Variants in RPGRIP1L observed in about 807,000 individuals in gnomAD.
The protein encoded by RPGRIP1L is RPGRIP1 like.
Under a neutral mutation model 160.4 loss-of-function variants are expected in RPGRIP1L, and 131 were observed. The observed-to-expected ratio is 0.82, with a 90% CI of 0.71 to 0.94. The LOEUF (loss-of-function observed/expected upper bound fraction) is 0.94, where lower values mean the gene tolerates loss of function less well. Among genes scored for constraint, RPGRIP1L ranks in the 40% least tolerant of loss-of-function variants. The probability of loss-of-function intolerance (pLI) is 0.00; values close to 1 mark genes in which losing one functional copy is unlikely to be tolerated. For missense variants in RPGRIP1L, 1,522 were observed against 1,535.8 expected, an observed-to-expected ratio of 0.99 and a Z score of 0.15; for synonymous variants, 510 against 515.8, an observed-to-expected ratio of 0.99 and a Z score of 0.15.
chr16:53,620,416 A>T (rs1161042746), intron 23 of RPGRIP1L, among the ~76,000 whole-genome samples: 1 of 152,178 alleles, frequency 6.6e-6, no homozygotes, highest in Non-Finnish European at 1.5e-5. Context: ...TATTTCAATA[A>T]GGTTATTTTA....
chr16:53,658,619 C>G (rs1487456080), intron 11 of RPGRIP1L, among the ~76,000 whole-genome samples, 153 bp downstream of exon 11: 1 of 152,120 alleles, frequency 6.6e-6, no homozygotes, highest in Non-Finnish European at 1.5e-5. Flanking sequence ...CAAAATGTCC[C>G]TATGGAACAT....
intron 22 of RPGRIP1L, among the ~76,000 whole-genome samples, chr16:53,624,750 TCCCTCCCCCTCC>T (rs111853130): frequency 2.4e-4 from 35 of 147,358 alleles, no homozygotes; most frequent in Non-Finnish European, 3.5e-4. Context: ...AAAATGGGAG[TCCCTCCCCCTCC>T]CCCTCCCCCT....
At chr16:53,671,659 A>G in intron 8 of RPGRIP1L, 76 bp from the exon 9 acceptor site, 1 of 737,068 alleles carries the variant, frequency 1.4e-6, no homozygotes. Context: ...ACATTAAAAA[A>G]CTCTATATGA....
intron 2 of RPGRIP1L, among the ~76,000 whole-genome samples, chr16:53,697,805 GTC>G (rs1171413332): frequency 1.3e-5 from 2 of 151,570 alleles, no homozygotes; most frequent in Non-Finnish European, 2.9e-5. Flanking sequence ...AGTGAGGAGC[GTC>G]TCTGCCTGGC....
intron 16 of RPGRIP1L, among the ~76,000 whole-genome samples, chr16:53,647,078 C>T (rs1271272012): frequency 7.9e-5 from 12 of 152,164 alleles, no homozygotes; most frequent in Non-Finnish European, 1.8e-4. Flanking sequence ...GTCTAAAAAG[C>T]TTTAAACTAC....
intron 15 of RPGRIP1L, 70 bp downstream of exon 15, chr16:53,652,465 G>C: frequency 8.5e-7 from 1 of 1,178,102 alleles, no homozygotes; most frequent in Non-Finnish European, 1.3e-6. Context: ...AGATAGTAAT[G>C]TAGAGTACCA....
Position 53,652,799 on chromosome 16 carries a change from C to T in RPGRIP1L, c.1888G>A (p.Val630Ile), listed in dbSNP as rs369873356. The change falls in exon 15 of 27, where the codon GTC (valine) becomes ATC (isoleucine). Residue 630 changes from valine to isoleucine, a missense_variant. Val to Ile is a conservative substitution (Grantham distance 29, BLOSUM62 3). Transcript: ENST00000647211. The stretch of plus-strand genomic sequence containing the variant: ...TAGAAAGCATAGGTACAGAAAGTGA[C>T]AGGCTCTTTATCTCCAGATGCCTGT... ...VLQASGDKEP[V>I]TFCTYAFYDF... 1.2e-6 allele frequency: 2 copies of T among 1,613,970 alleles called. No individual in the cohort carries two copies. The highest frequency in any genetic ancestry group is 1.7e-6 in the Non-Finnish European group (2 of 1,179,994).
chr16:53,638,059 GAATA>G (rs368259444), intron 20 of RPGRIP1L, among the ~76,000 whole-genome samples: 38 of 152,028 alleles, frequency 2.5e-4, no homozygotes, highest in African/African-American at 8.4e-4. Flanking sequence ...TATGTACTAA[GAATA>G]AAAAATGTAT....
At chr16:53,623,411 CTT>C (rs931415975) in intron 22 of RPGRIP1L, among the ~76,000 whole-genome samples, 8 of 152,190 alleles carry the variant, frequency 5.3e-5, no homozygotes, top group Non-Finnish European at 1.2e-4. Context: ...TCTCTAATCT[CTT>C]GTCTGCAGTC....
At chr16:53,686,672 G>A in intron 5 of RPGRIP1L, 96 bp from the exon 6 acceptor site, 1 of 1,308,896 alleles carries the variant, frequency 7.6e-7, no homozygotes, top group Non-Finnish European at 1.1e-6. Context: ...AAAAGAGCAA[G>A]CAGAAGTTAA....
chr16:53,606,426 G>T (rs1010823631), intron 25 of RPGRIP1L, among the ~76,000 whole-genome samples: 1 of 152,028 alleles, frequency 6.6e-6, no homozygotes, highest in African/African-American at 2.4e-5. Context: ...TCCCAAATCA[G>T]AAACAAAACA....
intron 16 of RPGRIP1L, among the ~76,000 whole-genome samples, chr16:53,647,098 C>T (rs769255751): frequency 6.6e-5 from 10 of 152,148 alleles, no homozygotes; most frequent in Non-Finnish European, 1.2e-4. Context: ...CAAAACCAAA[C>T]AATGTGGTCT....
At chr16:53,680,249 A>G (rs956781692) in intron 6 of RPGRIP1L, among the ~76,000 whole-genome samples, 2 of 152,204 alleles carry the variant, frequency 1.3e-5, no homozygotes, top group African/African-American at 4.8e-5. Flanking sequence ...TAAACTGTTC[A>G]AAATAACAGT....
At chr16:53,681,682 G>A (rs1339796748) in intron 6 of RPGRIP1L, among the ~76,000 whole-genome samples, 1 of 152,214 alleles carries the variant, frequency 6.6e-6, no homozygotes, top group South Asian at 2.1e-4. Flanking sequence ...TGACTTCAAA[G>A]CAATTAAGGG....
At chr16:53,666,566 A>ATGTGTGTGTGTGTGTG (rs112955038) in intron 9 of RPGRIP1L, among the ~76,000 whole-genome samples, 6 of 136,800 alleles carry the variant, frequency 4.4e-5, no homozygotes, top group African/African-American at 1.6e-4. Context: ...GAGTACATCT[A>ATGTGTGTGTGTGTGTG]TGTGTGTGTG....
In RPGRIP1L at chr16:53,619,195, A is replaced by T. The variant is rs766943204; in HGVS notation, c.3446T>A (p.Ile1149Asn). 42 of 1,613,206 alleles carry T rather than the reference A, an allele frequency of 2.6e-5. No individual in the cohort carries two copies. The highest frequency in any genetic ancestry group is 3.2e-5 in the Non-Finnish European group (38 of 1,179,992). Residue 1149 changes from isoleucine to asparagine, a missense_variant, in exon 24 of 27, where the codon ATT (isoleucine) becomes AAT (asparagine). Coordinates refer to ENST00000647211, the MANE Select transcript of RPGRIP1L (RefSeq NM_015272.5). ...ACHHTQPSEK[I>N]RIEIIALSLN... The stretch of plus-strand genomic sequence containing the variant: ...GCTTAGAGCTATGATCTCAATCCGA[A>T]TTTTTTCTGATGGCTGTTTAAAGAG...
rs780281843 is a variant in RPGRIP1L, at chr16:53,664,896, A to G, written c.1217T>C (p.Ile406Thr). Residue 406 changes from isoleucine (I) to threonine (T), a missense_variant, in exon 10 of 27, where the codon ATC (isoleucine) becomes ACC (threonine). Ile to Thr is a moderately conservative substitution (Grantham distance 89, BLOSUM62 -1). Transcript: ENST00000647211. ...LKSDLTDKTE[I>T]LDRLKTERDQ... is the part of the protein sequence containing the mutation. ...TCTTTCAGTTTTTAATCTGTCAAGGATTTCAGTTTTGTCTGTTAAGTCAGA... is the reference window on the plus strand; with the variant it reads ...TCTTTCAGTTTTTAATCTGTCAAGGGTTTCAGTTTTGTCTGTTAAGTCAGA... 25 of 1,611,946 alleles carry G rather than the reference A, an allele frequency of 1.6e-5. No homozygotes were observed. The highest frequency in any genetic ancestry group is 2.0e-5 in the Non-Finnish European group (24 of 1,179,894).
At chr16:53,658,323 C>G in intron 12 of RPGRIP1L, 91 bp downstream of exon 12, 1 of 935,712 alleles carries the variant, frequency 1.1e-6, no homozygotes, top group South Asian at 1.3e-5. Flanking sequence ...ATAATTCATT[C>G]TCCAAATGTA....
intron 17 of RPGRIP1L, among the ~76,000 whole-genome samples, chr16:53,642,615 G>A (rs550922774): frequency 6.6e-6 from 1 of 152,208 alleles, no homozygotes; most frequent in South Asian, 2.1e-4. Flanking sequence ...ACCATTTAAG[G>A]AGTCTGGAAA....
Sources: gnomAD v4.1 joint callset for allele counts (sites outside exome capture counted in the v4.1 genomes callset) on GRCh38, gnomAD v4.1.1 for gene constraint, MANE v1.5 for transcripts, NCBI Gene and HGNC (gene_info 2026-07-23, HGNC 2026-07-21) for gene names.